KCND2: variants seen among roughly 807,000 people sequenced by gnomAD.
KCND2 encodes the protein potassium voltage-gated channel subfamily D member 2.
In KCND2, 16 loss-of-function variants were observed where a neutral mutation model predicts 54.4. The observed-to-expected ratio is 0.29, with a 90% CI of 0.20 to 0.45. The LOEUF (loss-of-function observed/expected upper bound fraction) is 0.45. Among genes scored for constraint, KCND2 ranks in the 20% least tolerant of loss-of-function variants. The probability of loss-of-function intolerance (pLI) is 1.00; values close to 1 mark genes in which losing one functional copy is unlikely to be tolerated. For missense variants in KCND2, 486 were observed against 824.2 expected, an observed-to-expected ratio of 0.59 and a Z score of 5.02; for synonymous variants, 317 against 310.7, an observed-to-expected ratio of 1.02 and a Z score of -0.21.
chr7:120,678,736 GTGTATATATA>G (rs1260388937), intron 1 of KCND2, among the ~76,000 whole-genome samples: 2 of 80,474 alleles, frequency 2.5e-5, no homozygotes, highest in African/African-American at 8.0e-5. Context: ...GGGTGTGTGA[GTGTATATATA>G]TATATATATA....
intron 1 of KCND2, among the ~76,000 whole-genome samples, chr7:120,666,417 T>C (rs1218717734): frequency 2.6e-5 from 4 of 151,994 alleles, no homozygotes; most frequent in East Asian, 3.9e-4. Flanking sequence ...AAAGATGCCA[T>C]TGTTTTACTT....
intron 1 of KCND2, among the ~76,000 whole-genome samples, chr7:120,288,624 A>T (rs1799384212): frequency 6.6e-6 from 1 of 152,060 alleles, no homozygotes. Context: ...TCTTTTTCTC[A>T]TGAGGTCCAG....
At chr7:120,596,228 T>TA (rs1221583957) in intron 1 of KCND2, among the ~76,000 whole-genome samples, 1 of 152,218 alleles carries the variant, frequency 6.6e-6, no homozygotes, top group Non-Finnish European at 1.5e-5. Context: ...TTTGGGCTTT[T>TA]AAAAATGAAT....
intron 1 of KCND2, among the ~76,000 whole-genome samples, chr7:120,662,916 G>C (rs1584874049): frequency 6.6e-6 from 1 of 152,148 alleles, no homozygotes; most frequent in East Asian, 1.9e-4. Context: ...TTTCAGGCTA[G>C]GAAAACGTTT....
At chr7:120,638,577 T>C (rs1363995331) in intron 1 of KCND2, among the ~76,000 whole-genome samples, 2 of 152,140 alleles carry the variant, frequency 1.3e-5, no homozygotes, top group Non-Finnish European at 2.9e-5. Context: ...AAATAGTGTC[T>C]TGGAAAAAAT....
chr7:120,381,874 G>A (rs758415293), intron 1 of KCND2, among the ~76,000 whole-genome samples: 1 of 151,856 alleles, frequency 6.6e-6, no homozygotes, highest in Non-Finnish European at 1.5e-5. Flanking sequence ...AAATGAAAAG[G>A]AGAAAACAAG....
chr7:120,632,921 T>C (rs1356834528), intron 1 of KCND2, among the ~76,000 whole-genome samples: 3 of 152,328 alleles, frequency 2.0e-5, no homozygotes, highest in East Asian at 3.9e-4. Flanking sequence ...AATCTCCCAA[T>C]ACTGGCCAGA....
At position 120,288,116 on chromosome 7, in the gene KCND2, T is replaced by C. The variant is rs756659137; in HGVS notation, c.1115+12369T>C. Among the ~76,000 whole-genome samples the C allele has an allele frequency of 1.3e-5, 2 of 152,216 alleles. 1 individual carries two copies. The highest frequency in any genetic ancestry group is 4.1e-4 in the South Asian group (2 of 4,822). On this transcript the variant is annotated intron_variant, in intron 1 of 5. Transcript: ENST00000331113. Reference sequence around the variant, plus strand: ...TGTGAGCTTTTAAAGCTACTGATTTTCTAACATTGTCAAGGATAGGTAGGC... The same window carrying C: ...TGTGAGCTTTTAAAGCTACTGATTTCCTAACATTGTCAAGGATAGGTAGGC...
At chr7:120,477,696 G>T (rs1026002666) in intron 1 of KCND2, among the ~76,000 whole-genome samples, 1 of 152,022 alleles carries the variant, frequency 6.6e-6, no homozygotes, top group Non-Finnish European at 1.5e-5. Flanking sequence ...ACTCTAAGGC[G>T]GTTGGCTGGG....
At chr7:120,411,917 C>T (rs1400880454) in intron 1 of KCND2, among the ~76,000 whole-genome samples, 1 of 151,862 alleles carries the variant, frequency 6.6e-6, no homozygotes, top group Non-Finnish European at 1.5e-5. Context: ...AACTCATGTA[C>T]CTAATTGCAT....
chr7:120,292,968 C>T (rs532513417), intron 1 of KCND2, among the ~76,000 whole-genome samples: 1 of 151,986 alleles, frequency 6.6e-6, no homozygotes, highest in South Asian at 2.1e-4. Context: ...ATGACACCAA[C>T]TCTGTATCTC....
chr7:120,505,966 A>C (rs1584805580), intron 1 of KCND2, among the ~76,000 whole-genome samples: 1 of 151,456 alleles, frequency 6.6e-6, no homozygotes, highest in East Asian at 1.9e-4. Context: ...ATTTAATTTA[A>C]TGTTTTTATT....
rs553248678 is a variant in KCND2 at position 120,521,418 on chromosome 7, G to A, written c.1116-211485G>A. On this transcript the variant is annotated intron_variant, in intron 1 of 5. Coordinates refer to ENST00000331113, the MANE Select transcript of KCND2 (RefSeq NM_012281.3). ...TTTACCTGTGTCAGATTTATTTTGT[G>A]AGCCTAATCAAATTTTATGGGATAT... Among the ~76,000 whole-genome samples, 4 of 152,012 alleles carry A rather than the reference G, an allele frequency of 2.6e-5. No homozygotes were observed. In the East Asian group the frequency reaches 5.8e-4, roughly 22 times the overall value.
chr7:120,730,529 C>T (rs571938698), intron 1 of KCND2, among the ~76,000 whole-genome samples: 1 of 152,218 alleles, frequency 6.6e-6, no homozygotes, highest in East Asian at 1.9e-4. Flanking sequence ...ATTTAGCTTC[C>T]CAGATAGAAG....
At chr7:120,449,061 G>A (rs1802061291) in intron 1 of KCND2, among the ~76,000 whole-genome samples, 1 of 152,130 alleles carries the variant, frequency 6.6e-6, no homozygotes, top group African/African-American at 2.4e-5. Context: ...CAGGCGCGGT[G>A]GCTCATGCCT....
chr7:120,349,487 C>T (rs1400013563), intron 1 of KCND2, among the ~76,000 whole-genome samples: 13 of 152,158 alleles, frequency 8.5e-5, no homozygotes, highest in Admixed American at 8.5e-4. Context: ...ACTAGAGTTT[C>T]TGATAATATC....
rs183087063 is a variant in KCND2, at chr7:120,575,061, C to G, written c.1116-157842C>G. 8.8e-4 allele frequency among the ~76,000 whole-genome samples: 134 copies of G among 152,018 alleles called. 1 individual carries two copies. Among genetic ancestry groups the G allele is most frequent in the Middle Eastern group, 3.4e-3 (1 of 294 alleles). On this transcript the variant is annotated intron_variant, in intron 1 of 5. Transcript: ENST00000331113. ...ATTAGAGTTCTCTAGAGGGACAAAA[C>G]TGATAAGATAGATATTCGTATCTAA...
chr7:120,478,792 A>T (rs931623181), intron 1 of KCND2, among the ~76,000 whole-genome samples: 2 of 152,148 alleles, frequency 1.3e-5, no homozygotes, highest in African/African-American at 2.4e-5. Context: ...AGGGTCTTTT[A>T]TCTCTTTCTT....
rs991954533 is a variant in KCND2, at chr7:120,332,066, A to T, written c.1115+56319A>T. 2.6e-5 allele frequency among the ~76,000 whole-genome samples: 4 copies of T among 152,048 alleles called. No homozygotes were observed. The East Asian group carries it at 5.8e-4, about 22-fold the overall frequency. ...CTTCCCTAGACTTTCGGTTGGCTTT[A>T]AAAATATCAGTATCTGTTCTCCCCT... On this transcript the variant is annotated intron_variant, in intron 1 of 5. Transcript: ENST00000331113.
Sources: gnomAD v4.1 joint callset for allele counts (sites outside exome capture counted in the v4.1 genomes callset) on GRCh38, gnomAD v4.1.1 for gene constraint, MANE v1.5 for transcripts, NCBI Gene and HGNC (gene_info 2026-07-23, HGNC 2026-07-21) for gene names.